The following GRK1 variants were observed in gnomAD, a reference collection of about 807,000 sequenced individuals.
The protein encoded by GRK1 is rhodopsin kinase GRK1.
Under a neutral mutation model 41.7 loss-of-function variants are expected in GRK1, and 28 were observed. The ratio of observed to expected loss-of-function variants is 0.67; its 90% confidence interval spans 0.50 to 0.92. GRK1 has a LOEUF of 0.92. GRK1 is among the 40% of genes least tolerant of loss of function. The pLI is 0.00. For synonymous variants in GRK1, 327 were observed against 286.7 expected, an observed-to-expected ratio of 1.14 and a Z score of -1.42; for missense variants, 703 against 671.2, an observed-to-expected ratio of 1.05 and a Z score of -0.52.
intron 6 of GRK1, among the ~76,000 whole-genome samples, chr13:113,733,977 CGCAT>C (rs1566700533): frequency 2.1e-4 from 23 of 107,094 alleles, no homozygotes; most frequent in Admixed American, 3.0e-4. Flanking sequence ...TGCGTGTGTG[CGCAT>C]GTGTGTGCAT....
At chr13:113,733,759 G>GTGTGTATGTGTGTGCATACGTGTGTGTA (rs1566699882) in intron 6 of GRK1, among the ~76,000 whole-genome samples, 2 of 116,384 alleles carry the variant, frequency 1.7e-5, no homozygotes, top group African/African-American at 6.4e-5. Context: ...ATGTGTGTGC[G>GTGTGTATGTGTGTGCATACGTGTGTGTA]TGTGTATGTG....
Position 113,731,381 on chromosome 13 carries a change from G to A in GRK1, c.1194+38G>A. The stretch of plus-strand genomic sequence containing the variant: ...CGGCAGGTGTCTCTGCAGCCACCTT[G>A]GCGCCCTGGCTCTCGATGGGGACGG... On this transcript the variant is annotated intron_variant, in intron 5 of 6. Transcript: ENST00000335678. This position sits in a 1 kb window ranked among gnomAD's most constrained non-coding sequence, Gnocchi z 5.6. The A allele has an allele frequency of 6.5e-7, 1 of 1,536,072 alleles. No homozygotes were observed. The highest frequency in any genetic ancestry group is 8.7e-7 in the Non-Finnish European group (1 of 1,146,392).
chr13:113,664,039 C>T (rs561206838), upstream of GRK1, among the ~76,000 whole-genome samples: 89 of 152,274 alleles, frequency 5.8e-4, 2 homozygotes, highest in South Asian at 0.016. The surrounding 1 kb of genome is among the most constrained non-coding windows in gnomAD (Gnocchi z 5.4). Flanking sequence ...AACCGGTGAA[C>T]GGCGAAACGG....
chr13:113,670,479 G>T (rs151172444), intron 2 of GRK1, among the ~76,000 whole-genome samples: 4 of 152,388 alleles, frequency 2.6e-5, no homozygotes, highest in Non-Finnish European at 4.4e-5. Flanking sequence ...AGTGTCTGAT[G>T]CCCGTAAGGT....
In GRK1 at chr13:113,731,391, C is replaced by T; in HGVS notation, c.1194+48C>T. 6.5e-7 allele frequency: 1 copy of T among 1,535,180 alleles called. No individual in the cohort carries two copies. The highest frequency in any genetic ancestry group is 1.4e-5 in the African/African-American group (1 of 73,116). On this transcript the variant is annotated intron_variant, in intron 5 of 6. Coordinates refer to ENST00000335678, the MANE Select transcript of GRK1 (RefSeq NM_002929.3). The surrounding 1 kb of genome is among the most constrained non-coding windows in gnomAD (Gnocchi z 5.6). ...CTCTGCAGCCACCTTGGCGCCCTGG[C>T]TCTCGATGGGGACGGGGCAGTGATG...
intron 4 of GRK1, among the ~76,000 whole-genome samples, chr13:113,727,069 G>A (rs148924064): frequency 0.013 from 1,906 of 152,358 alleles, 22 homozygotes; most frequent in Non-Finnish European, 0.019. Context: ...GGGCCTGTCC[G>A]CCACTGTGTG....
At chr13:113,655,862 G>GT in the GRK1 span, among the ~76,000 whole-genome samples, 1 of 152,250 alleles carries the variant, frequency 6.6e-6, no homozygotes, top group Non-Finnish European at 1.5e-5. Context: ...AAGCAAGGGA[G>GT]TGCAGGGCCA....
the GRK1 span, among the ~76,000 whole-genome samples, chr13:113,654,046 C>T: frequency 1.2e-4 from 18 of 152,186 alleles, no homozygotes; most frequent in African/African-American, 4.1e-4. Flanking sequence ...TTCCACTTCC[C>T]GTGCGATTGG....
intron 4 of GRK1, among the ~76,000 whole-genome samples, chr13:113,729,306 G>A (rs921796887): frequency 1.2e-4 from 19 of 152,258 alleles, no homozygotes; most frequent in South Asian, 2.1e-4. Context: ...ATCCGCTGGC[G>A]GAGCCAGAAC....
intron 4 of GRK1, among the ~76,000 whole-genome samples, chr13:113,724,465 C>CA (rs1486701785): frequency 8.5e-5 from 13 of 152,262 alleles, no homozygotes; most frequent in Middle Eastern, 6.8e-3. Flanking sequence ...TGGGTCCTCC[C>CA]ATGCTGGTGT....
At chr13:113,672,167 G>A (rs1305983031) in intron 3 of GRK1, among the ~76,000 whole-genome samples, 3 of 151,360 alleles carry the variant, frequency 2.0e-5, no homozygotes, top group African/African-American at 7.2e-5. Context: ...GGTGTGTGCT[G>A]TGTGCGCGTA....
At chr13:113,652,144 A>C in the GRK1 span, among the ~76,000 whole-genome samples, 2 of 151,002 alleles carry the variant, frequency 1.3e-5, no homozygotes, top group African/African-American at 2.4e-5. Context: ...CCTTCCCCAC[A>C]CCTCTTCCCT....
rs779581732 is a variant in GRK1 at position 113,667,818 on chromosome 13, G to T, written c.432G>T (p.Gly144=). 18 of 1,599,560 alleles carry T rather than the reference G, an allele frequency of 1.1e-5. 1 individual carries two copies. The South Asian group carries it at 1.9e-4, about 17-fold the overall frequency. ...AGGGGCCTGTGGAGATCCAGGACGG[G>T]CTCTTCCAGCCCCTGCTGCAGGCCA... ...FKEGPVEIQD[G]LFQPLLQATL... The change falls in exon 1 of 7, where the codon GGG becomes GGT. Residue 144 remains glycine (G), a synonymous_variant. Transcript: ENST00000335678. The surrounding 1 kb of genome is among the most constrained non-coding windows in gnomAD (Gnocchi z 7.5).
intron 1 of GRK1, 185 bp from the exon 2 acceptor site, chr13:113,669,502 G>A (rs2049841762): frequency 5.0e-6 from 1 of 201,106 alleles, no homozygotes; most frequent in Admixed American, 6.5e-5. Flanking sequence ...CTGGTTTTCT[G>A]AAATGGGGGT....
chr13:113,648,421 C>A, the GRK1 span, among the ~76,000 whole-genome samples: 125 of 152,190 alleles, frequency 8.2e-4, 1 homozygote, highest in African/African-American at 2.8e-3. Context: ...CATGTGAAAT[C>A]AGGACCCAGG....
Position 113,669,784 on chromosome 13 carries a change from T to C in GRK1, c.797T>C (p.Val266Ala). 1 of 1,613,944 alleles carries C rather than the reference T, an allele frequency of 6.2e-7. No homozygotes were observed. ...GAAACCAAAGCCGACCTCTGTCTGG[T>C]GATGACCATCATGAACGGAGGTGAC... ...AFETKADLCL[V>A]MTIMNGGDIR... is the part of the protein sequence containing the mutation. Residue 266 changes from valine (V) to alanine (A), a missense_variant, in exon 2 of 7, where the codon GTG (valine) becomes GCG (alanine). Transcript: ENST00000335678.
chr13:113,656,641 T>C, the GRK1 span, among the ~76,000 whole-genome samples: 1 of 152,198 alleles, frequency 6.6e-6, no homozygotes, highest in Non-Finnish European at 1.5e-5. Context: ...CTCCTGCACC[T>C]GCACCCGTCC....
At chr13:113,664,066 C>G (rs1393853240), upstream of GRK1, among the ~76,000 whole-genome samples, 1 of 152,218 alleles carries the variant, frequency 6.6e-6, no homozygotes, top group Non-Finnish European at 1.5e-5. The surrounding 1 kb of genome is among the most constrained non-coding windows in gnomAD (Gnocchi z 5.4). Flanking sequence ...GCACTCTCCT[C>G]TGTGGAGCAC....
At chr13:113,658,919 C>T in the GRK1 span, among the ~76,000 whole-genome samples, 8 of 152,320 alleles carry the variant, frequency 5.3e-5, no homozygotes, top group Middle Eastern at 3.4e-3. Context: ...TTCAGCCCAG[C>T]GAGTCCTGTG....
Sources: gnomAD v4.1 joint callset for allele counts (sites outside exome capture counted in the v4.1 genomes callset) on GRCh38, gnomAD v4.1.1 for gene constraint, Gnocchi (gnomAD v3.1) non-coding constraint, MANE v1.5 for transcripts, NCBI Gene and HGNC (gene_info 2026-07-23, HGNC 2026-07-21) for gene names.